The following PCDHGB6 variants were observed in gnomAD, a reference collection of about 807,000 sequenced individuals.
The protein encoded by PCDHGB6 is protocadherin gamma subfamily B, 6, also known as protocadherin gamma-B6.
A neutral mutation model predicts 59.1 loss-of-function variants in PCDHGB6; 51 were observed. That is an observed-to-expected ratio of 0.86 (90% CI 0.69 to 1.09). The LOEUF (loss-of-function observed/expected upper bound fraction) is 1.09. Ranked by LOEUF, PCDHGB6 falls within the 50% of genes least tolerant of loss-of-function variation. PCDHGB6 has a pLI of 0.00. For synonymous variants in PCDHGB6, 466 were observed against 495.1 expected, an observed-to-expected ratio of 0.94 and a Z score of 0.78; for missense variants, 1,148 against 1,205.1, an observed-to-expected ratio of 0.95 and a Z score of 0.70.
intron 1 of PCDHGB6, among the ~76,000 whole-genome samples, chr5:141,461,004 T>C (rs2099006736): frequency 6.6e-6 from 1 of 151,664 alleles, no homozygotes; most frequent in Non-Finnish European, 1.5e-5. Context: ...TATGTGTATA[T>C]ATATATACCA....
intron 1 of PCDHGB6, among the ~76,000 whole-genome samples, chr5:141,452,375 G>A (rs1239059045): frequency 2.0e-5 from 3 of 152,194 alleles, no homozygotes; most frequent in African/African-American, 7.2e-5. Context: ...TTTTAGTAGG[G>A]AATAGTATTT....
In PCDHGB6 at chr5:141,491,623, G is replaced by C; in HGVS notation, c.2419-3184G>C. On this transcript the variant is annotated intron_variant, in intron 1 of 3. Coordinates refer to ENST00000520790, the MANE Select transcript of PCDHGB6 (RefSeq NM_018926.3). The surrounding 1 kb of genome is among the most constrained non-coding windows in gnomAD (Gnocchi z 6.9). ...CTTCACTTTTCTAAGACCCCTCAGC[G>C]TTCAGCAGCCCACAGCTCTGGCGCT... 1 of 1,613,930 alleles carries C rather than the reference G, an allele frequency of 6.2e-7. No individual in the cohort carries two copies. Among genetic ancestry groups the C allele is most frequent in the Non-Finnish European group, 8.5e-7 (1 of 1,180,020 alleles).
At chr5:141,423,499 G>T (rs1590485367) in intron 1 of PCDHGB6, 1 of 1,613,966 alleles carries the variant, frequency 6.2e-7, no homozygotes, top group Non-Finnish European at 8.5e-7. Context: ...TTCCCACGAG[G>T]TCTCTCTCAT....
chr5:141,425,566 G>T (rs532293951), intron 1 of PCDHGB6, among the ~76,000 whole-genome samples: 1 of 152,348 alleles, frequency 6.6e-6, no homozygotes, highest in Admixed American at 6.5e-5. Context: ...TAAGTGATAA[G>T]AAGGGTTTGG....
At chr5:141,480,956 C>G (rs2099528870) in intron 1 of PCDHGB6, among the ~76,000 whole-genome samples, 1 of 152,064 alleles carries the variant, frequency 6.6e-6, no homozygotes, top group South Asian at 2.1e-4. Flanking sequence ...GAGGCGGAAG[C>G]ATCAGTGAGG....
chr5:141,487,783 G>T lies in PCDHGB6; in HGVS notation c.2419-7024G>T. The T allele has an allele frequency of 6.6e-7, 1 of 1,522,846 alleles. No homozygotes were observed. The allele number at this position is 1,522,846 out of a possible 1,614,324, so 94.3% of individuals were successfully genotyped here. ...ACGCTGTGCTTTGTAACTGTTTCGT[G>T]AATTAACCAGAGTTGTCACAGTTTA... is the stretch of plus-strand genomic sequence containing the variant. On this transcript the variant is annotated intron_variant, in intron 1 of 3. Transcript: ENST00000520790. The surrounding 1 kb of genome is among the most constrained non-coding windows in gnomAD (Gnocchi z 5.0).
At position 141,432,463 on chromosome 5, in the gene PCDHGB6, C is replaced by T; in HGVS notation, c.2418+21843C>T. ...CCGAGATCCTGTACCCCGCCCTCCC[C>T]ACGGACGGTTCCACTGGCGTGGAGC... On this transcript the variant is annotated intron_variant, in intron 1 of 3. Transcript: ENST00000520790. The surrounding 1 kb of genome is among the most constrained non-coding windows in gnomAD (Gnocchi z 6.0). 6.2e-7 allele frequency: 1 copy of T among 1,614,238 alleles called. No individual in the cohort carries two copies. The highest frequency in any genetic ancestry group is 1.1e-5 in the South Asian group (1 of 91,084).
intron 1 of PCDHGB6, chr5:141,417,647 C>T: frequency 2.5e-6 from 2 of 812,384 alleles, no homozygotes; most frequent in Non-Finnish European, 3.7e-6. Context: ...ATCCCTCAGC[C>T]TCTAGCCTGG....
chr5:141,485,986 G>T lies in PCDHGB6; in HGVS notation c.2419-8821G>T, dbSNP rs2099622467. The T allele has an allele frequency of 1.2e-6, 2 of 1,614,084 alleles. No homozygotes were observed. Among genetic ancestry groups the T allele is most frequent in the African/African-American group, 1.3e-5 (1 of 74,936 alleles). On this transcript the variant is annotated intron_variant, in intron 1 of 3. Transcript: ENST00000520790. This position sits in a 1 kb window ranked among gnomAD's most constrained non-coding sequence, Gnocchi z 5.7. ...AGCTCAATGCCTCAGACCCGGACCT[G>T]GGTCCCAGTGGTAACGTCACCTTTT...
At position 141,432,669 on chromosome 5, in the gene PCDHGB6, C is replaced by T. The variant is rs777314784; in HGVS notation, c.2418+22049C>T. ...GCGCGAGCCCTGCTGGACAGAGACG[C>T]GCTCAAGCAGAGCCTCGTAGTGGCC... On this transcript the variant is annotated intron_variant, in intron 1 of 3. Transcript: ENST00000520790. This position sits in a 1 kb window ranked among gnomAD's most constrained non-coding sequence, Gnocchi z 6.0. 1 of 1,613,894 alleles carries T rather than the reference C, an allele frequency of 6.2e-7. No homozygotes were observed.
chr5:141,458,104 A>G (rs969775517), intron 1 of PCDHGB6, among the ~76,000 whole-genome samples: 6 of 152,232 alleles, frequency 3.9e-5, no homozygotes, highest in Non-Finnish European at 8.8e-5. Flanking sequence ...ACTTACAGAT[A>G]GTCTCCAAAT....
rs762433242 is a variant in PCDHGB6, at chr5:141,476,856, C to A, written c.2419-17951C>A. 2.5e-6 allele frequency: 4 copies of A among 1,613,762 alleles called. No individual in the cohort carries two copies. In the East Asian group the frequency reaches 6.7e-5, roughly 27 times the overall value. ...GACAATGCGCCTGTCTTCAACCAGTCCTTGTACCGGGCGCGCGTCCTGGAG... is the reference window on the plus strand; with the variant it reads ...GACAATGCGCCTGTCTTCAACCAGTACTTGTACCGGGCGCGCGTCCTGGAG... On this transcript the variant is annotated intron_variant, in intron 1 of 3. Coordinates refer to ENST00000520790, the MANE Select transcript of PCDHGB6 (RefSeq NM_018926.3). This position sits in a 1 kb window ranked among gnomAD's most constrained non-coding sequence, Gnocchi z 7.6.
At position 141,505,908 on chromosome 5, in the gene PCDHGB6, T is replaced by C. The variant is rs114551975; in HGVS notation, c.2566+427T>C. On this transcript the variant is annotated intron_variant, in intron 3 of 3. Coordinates refer to ENST00000520790, the MANE Select transcript of PCDHGB6 (RefSeq NM_018926.3). ...TTAAATGAGATGATACCACAAAGCATAGAGTTCTGGGCCTGGCGCTTGGAA... is the reference window on the plus strand; with the variant it reads ...TTAAATGAGATGATACCACAAAGCACAGAGTTCTGGGCCTGGCGCTTGGAA... 4.0e-3 allele frequency among the ~76,000 whole-genome samples: 608 copies of C among 152,218 alleles called. 3 individuals are homozygous for C. The highest frequency in any genetic ancestry group is 0.013 in the African/African-American group (551 of 41,540).
At chr5:141,448,662 C>T (rs1242351797) in intron 1 of PCDHGB6, among the ~76,000 whole-genome samples, 1 of 151,980 alleles carries the variant, frequency 6.6e-6, no homozygotes, top group Non-Finnish European at 1.5e-5. Flanking sequence ...CCATATTGGC[C>T]GGGCGCGGTG....
intron 2 of PCDHGB6, among the ~76,000 whole-genome samples, chr5:141,499,283 G>T (rs1460838051): frequency 6.6e-6 from 1 of 152,066 alleles, no homozygotes; most frequent in Non-Finnish European, 1.5e-5. Context: ...TTCTCTGATG[G>T]CTCCACACTA....
chr5:141,421,697 A>T (rs750973568), intron 1 of PCDHGB6: 8 of 1,613,924 alleles, frequency 5.0e-6, no homozygotes, highest in Non-Finnish European at 6.8e-6. Context: ...GCTCTTCCTA[A>T]TGCTAGGGAT....
intron 1 of PCDHGB6, chr5:141,428,296 AT>A: frequency 1.4e-6 from 1 of 713,574 alleles, no homozygotes; most frequent in Non-Finnish European, 2.5e-6. Flanking sequence ...AAAGCTGCAG[AT>A]TTACCTGGTC....
chr5:141,488,502 C>T (rs989368385), intron 1 of PCDHGB6, among the ~76,000 whole-genome samples: 2 of 152,146 alleles, frequency 1.3e-5, no homozygotes, highest in Non-Finnish European at 2.9e-5. Context: ...ACACTCATTC[C>T]ACATTTGGGG....
chr5:141,477,642 A>G lies in PCDHGB6; in HGVS notation c.2419-17165A>G, dbSNP rs767152121. On this transcript the variant is annotated intron_variant, in intron 1 of 3. Transcript: ENST00000520790. The surrounding 1 kb of genome is among the most constrained non-coding windows in gnomAD (Gnocchi z 4.9). ...GCTGAAACCGGGCTAGTGGGTCGCT[A>G]TTTCACAATAAATCGTGACAATGGC... 9 of 1,614,136 alleles carry G rather than the reference A, an allele frequency of 5.6e-6. No individual in the cohort carries two copies. Among genetic ancestry groups the G allele is most frequent in the Non-Finnish European group, 7.6e-6 (9 of 1,180,022 alleles).
Sources: gnomAD v4.1 joint callset for allele counts (sites outside exome capture counted in the v4.1 genomes callset) on GRCh38, gnomAD v4.1.1 for gene constraint, Gnocchi (gnomAD v3.1) non-coding constraint, MANE v1.5 for transcripts, NCBI Gene and HGNC (gene_info 2026-07-23, HGNC 2026-07-21) for gene names.